Variants in ZNF423 observed in about 807,000 individuals in gnomAD.
ZNF423 encodes the protein zinc finger protein 423, also known as Ebf-associated zinc finger protein.
Under a neutral mutation model 95.8 loss-of-function variants are expected in ZNF423, and 12 were observed. The ratio of observed to expected loss-of-function variants is 0.13; its 90% CI spans 0.08 to 0.20. ZNF423 has a LOEUF of 0.20. Among genes scored for constraint, ZNF423 ranks in the 10% least tolerant of loss-of-function variants. The probability of loss-of-function intolerance (pLI) is 1.00; values close to 1 mark genes in which losing one functional copy is unlikely to be tolerated. For missense variants in ZNF423, 1,316 were observed against 1,737.1 expected (o/e 0.76, Z 4.31); for synonymous variants, 749 against 711.9 (o/e 1.05, Z -0.83).
intron 5 of ZNF423, among the ~76,000 whole-genome samples, chr16:49,621,701 A>T (rs1415899368): frequency 1.3e-5 from 2 of 152,152 alleles, no homozygotes; most frequent in Non-Finnish European, 2.9e-5. Flanking sequence ...GGCTCAGACC[A>T]TTTAGCAGGA....
In ZNF423 at chr16:49,849,901, T is replaced by C. The variant is rs572638886; in HGVS notation, c.40+5834A>G. On this transcript the variant is annotated intron_variant, in intron 1 of 7. Coordinates refer to ENST00000563137, the MANE Select transcript of ZNF423 (RefSeq NM_001379286.1). Reference sequence around the variant, plus strand: ...ACCAATCTATAACGCTGGGAGGCCGTCCCGCTGTCAGCGAGGGCTGACAAT... The same window carrying C: ...ACCAATCTATAACGCTGGGAGGCCGCCCCGCTGTCAGCGAGGGCTGACAAT... Among the ~76,000 whole-genome samples the C allele has an allele frequency of 6.6e-5, 10 of 152,290 alleles. No homozygotes were observed. In the South Asian group the frequency reaches 8.3e-4, roughly 13 times the overall value.
At chr16:49,581,971 T>C (rs978819898) in intron 5 of ZNF423, among the ~76,000 whole-genome samples, 2 of 152,156 alleles carry the variant, frequency 1.3e-5, no homozygotes, top group Admixed American at 6.5e-5. Context: ...GAGTGAGTTT[T>C]TTCCTTCTCT....
chr16:49,730,269 C>T (rs2033129924), intron 3 of ZNF423, among the ~76,000 whole-genome samples: 1 of 152,224 alleles, frequency 6.6e-6, no homozygotes, highest in Admixed American at 6.5e-5. Flanking sequence ...CCCAGCTACC[C>T]TTCTCCTCCT....
intron 3 of ZNF423, among the ~76,000 whole-genome samples, chr16:49,647,073 C>T (rs1973203953): frequency 6.6e-6 from 1 of 152,256 alleles, no homozygotes; most frequent in African/African-American, 2.4e-5. Flanking sequence ...CCAGGCTACA[C>T]TGCTTCACCA....
intron 2 of ZNF423, among the ~76,000 whole-genome samples, chr16:49,748,734 G>A (rs1198721314): frequency 1.3e-5 from 2 of 152,180 alleles, no homozygotes; most frequent in Non-Finnish European, 2.9e-5. Flanking sequence ...GGATGGGAAA[G>A]TATCTTGATG....
chr16:49,791,491 A>T (rs1177411035), intron 1 of ZNF423, among the ~76,000 whole-genome samples: 2 of 152,174 alleles, frequency 1.3e-5, no homozygotes, highest in African/African-American at 2.4e-5. Context: ...ACACGCACAC[A>T]TGTAAATATA....
At chr16:49,759,182 G>C (rs765972384) in intron 2 of ZNF423, among the ~76,000 whole-genome samples, 5 of 152,158 alleles carry the variant, frequency 3.3e-5, no homozygotes, top group Non-Finnish European at 7.3e-5. Flanking sequence ...GGCAGATCAC[G>C]AGGCCAGGAG....
intron 3 of ZNF423, among the ~76,000 whole-genome samples, chr16:49,671,682 T>A (rs1371160722): frequency 1.3e-5 from 2 of 152,176 alleles, no homozygotes; most frequent in Non-Finnish European, 2.9e-5. Context: ...TATTTTATTT[T>A]TTATTTATTA....
rs569792446 is a variant in ZNF423 at position 49,731,591 on chromosome 16, T to C, written c.101-620A>G. On this transcript the variant is annotated intron_variant, in intron 2 of 7. Coordinates refer to ENST00000563137, the MANE Select transcript of ZNF423 (RefSeq NM_001379286.1). ...ACTCTGAGAGACCAAGGTGGGAAAA[T>C]TGCTGAAGGCCTGGAGTTTGAGACC... Among the ~76,000 whole-genome samples the C allele has an allele frequency of 9.0e-4, 137 of 152,060 alleles. 4 individuals are homozygous for C. The South Asian group carries it at 0.026, about 29-fold the overall frequency.
At chr16:49,702,779 G>C (rs1225649679) in intron 3 of ZNF423, among the ~76,000 whole-genome samples, 1 of 152,224 alleles carries the variant, frequency 6.6e-6, no homozygotes, top group Non-Finnish European at 1.5e-5. Flanking sequence ...GGCCAGGCTG[G>C]GGCCCTGGGG....
intron 7 of ZNF423, among the ~76,000 whole-genome samples, chr16:49,509,108 G>A (rs1035474663): frequency 7.2e-5 from 11 of 152,222 alleles, no homozygotes; most frequent in African/African-American, 1.7e-4. Context: ...CCGTTTGACC[G>A]ATGAAGAAAT....
At chr16:49,515,749 T>G (rs1463276238) in intron 7 of ZNF423, among the ~76,000 whole-genome samples, 2 of 152,168 alleles carry the variant, frequency 1.3e-5, no homozygotes, top group Non-Finnish European at 2.9e-5. Context: ...ATGACCCTCA[T>G]GCACGCATCC....
At chr16:49,500,045 T>G (rs941899645) in intron 7 of ZNF423, among the ~76,000 whole-genome samples, 1 of 152,076 alleles carries the variant, frequency 6.6e-6, no homozygotes, top group African/African-American at 2.4e-5. Context: ...CGGTGAGACT[T>G]TAGATAGCAG....
chr16:49,588,364 C>A (rs1358074132), intron 5 of ZNF423, among the ~76,000 whole-genome samples: 2 of 152,186 alleles, frequency 1.3e-5, no homozygotes, highest in Non-Finnish European at 2.9e-5. Flanking sequence ...TGGCTCCCGA[C>A]CTTACATACG....
At chr16:49,657,604 C>T (rs2029951622) in intron 3 of ZNF423, among the ~76,000 whole-genome samples, 2 of 152,234 alleles carry the variant, frequency 1.3e-5, no homozygotes, top group South Asian at 4.1e-4. Flanking sequence ...GTGGGCTCCT[C>T]TGAAGACCAT....
intron 3 of ZNF423, among the ~76,000 whole-genome samples, chr16:49,663,390 C>G (rs1376435623): frequency 6.6e-6 from 1 of 152,154 alleles, no homozygotes; most frequent in African/African-American, 2.4e-5. Flanking sequence ...CTGAGGCCCC[C>G]CAGCCCACCC....
chr16:49,702,909 GCACACACACACACACACA>G (rs66522223), intron 3 of ZNF423, among the ~76,000 whole-genome samples: 9,086 of 147,620 alleles, frequency 0.062, 401 homozygotes, highest in South Asian at 0.28. Flanking sequence ...GTGTGCACAC[GCACACACACACACACACA>G]CACACACACA....
At chr16:49,842,406 AAGGAAGGC>A (rs1203851756) in intron 1 of ZNF423, among the ~76,000 whole-genome samples, 43 of 88,384 alleles carry the variant, frequency 4.9e-4, no homozygotes, top group South Asian at 1.3e-3. Context: ...GGAAGGAAGG[AAGGAAGGC>A]AGGCAGGCAG....
chr16:49,523,786 A>G (rs1234454543), intron 6 of ZNF423, 47 bp from the exon 7 acceptor site: 9 of 1,534,272 alleles, frequency 5.9e-6, no homozygotes, highest in Non-Finnish European at 9.0e-7. Flanking sequence ...ACACCAGCCC[A>G]GCCTCCTGTG....
Sources: allele counts gnomAD v4.1 joint callset (sites outside exome capture counted in the v4.1 genomes callset), GRCh38; gene constraint gnomAD v4.1.1; transcripts MANE v1.5; gene names NCBI Gene and HGNC (gene_info 2026-07-23, HGNC 2026-07-21).